GNAL: variants seen among roughly 807,000 people sequenced by gnomAD.
The protein encoded by GNAL is guanine nucleotide-binding protein G(olf) subunit alpha.
GNAL carries 18 observed loss-of-function variants against 55.1 expected under a neutral mutation model. The ratio of observed to expected loss-of-function variants is 0.33; its 90% CI spans 0.23 to 0.48. GNAL has a LOEUF of 0.48. Among genes scored for constraint, GNAL ranks in the 20% least tolerant of loss-of-function variants. The pLI, the probability that GNAL is intolerant of heterozygous loss-of-function variation, is 0.99. For missense variants in GNAL, 412 were observed against 614.1 expected (o/e 0.67, Z 3.48); for synonymous variants, 253 against 237.0 (o/e 1.07, Z -0.62).
chr18:11,820,915 C>T (rs2143625921), intron 4 of GNAL, among the ~76,000 whole-genome samples: 1 of 152,342 alleles, frequency 6.6e-6, no homozygotes, highest in Non-Finnish European at 1.5e-5. Flanking sequence ...TTGCTATCAA[C>T]ACATGCTCCA....
chr18:11,814,799 A>G (rs549652728), intron 4 of GNAL, among the ~76,000 whole-genome samples: 6 of 151,878 alleles, frequency 4.0e-5, no homozygotes, highest in Admixed American at 3.3e-4. Context: ...TTGGGAGGCT[A>G]AGGCAGGAGA....
At chr18:11,767,121 C>G (rs2033430674) in intron 4 of GNAL, among the ~76,000 whole-genome samples, 1 of 152,184 alleles carries the variant, frequency 6.6e-6, no homozygotes, top group South Asian at 2.1e-4. Flanking sequence ...GACTTCCCTC[C>G]CATATGCCAT....
At chr18:11,879,524 T>C (rs2036612254) in intron 11 of GNAL, among the ~76,000 whole-genome samples, 1 of 152,206 alleles carries the variant, frequency 6.6e-6, no homozygotes, top group Admixed American at 6.5e-5. Flanking sequence ...GGCTGCATCC[T>C]CCTGGTTTCC....
At chr18:11,761,697 C>A (rs753910588) in intron 4 of GNAL, among the ~76,000 whole-genome samples, 1 of 152,136 alleles carries the variant, frequency 6.6e-6, no homozygotes, top group Non-Finnish European at 1.5e-5. Flanking sequence ...CTGCAAGTTC[C>A]AATAAGCTGC....
chr18:11,703,795 G>GCGCGCACACACA (rs1311432181), intron 1 of GNAL, among the ~76,000 whole-genome samples: 47 of 141,496 alleles, frequency 3.3e-4, no homozygotes, highest in African/African-American at 1.2e-3. Flanking sequence ...GTGTTGATGG[G>GCGCGCACACACA]CACACACACA....
chr18:11,856,331 T>C (rs1388216370), intron 5 of GNAL, among the ~76,000 whole-genome samples: 1 of 151,360 alleles, frequency 6.6e-6, no homozygotes, highest in African/African-American at 2.5e-5. Context: ...TCTGTCATAG[T>C]GTCAGTCTCT....
intron 10 of GNAL, among the ~76,000 whole-genome samples, chr18:11,876,411 C>T (rs1410857084): frequency 2.0e-5 from 3 of 151,964 alleles, no homozygotes; most frequent in East Asian, 1.9e-4. Flanking sequence ...TGCAGTGAGC[C>T]GAGATCATGC....
intron 1 of GNAL, among the ~76,000 whole-genome samples, chr18:11,726,922 A>G (rs9961044): frequency 0.73 from 111,548 of 151,970 alleles, 41,705 homozygotes; most frequent in African/African-American, 0.83. Flanking sequence ...ACAGGTTGTA[A>G]GGAAAAGTAG....
intron 1 of GNAL, among the ~76,000 whole-genome samples, chr18:11,725,984 C>T (rs765962503): frequency 4.6e-5 from 7 of 152,336 alleles, no homozygotes; most frequent in South Asian, 2.1e-4. Context: ...TGTGACCGTT[C>T]GGTCCCAGCA....
At chr18:11,773,253 A>G (rs1031838961) in intron 4 of GNAL, among the ~76,000 whole-genome samples, 4 of 152,256 alleles carry the variant, frequency 2.6e-5, no homozygotes, top group Non-Finnish European at 5.9e-5. Context: ...TAAGCACATA[A>G]CATGCTCACT....
chr18:11,881,024 C>T lies in GNAL; in HGVS notation c.1266C>T (p.Tyr422=). 3.1e-6 allele frequency: 5 copies of T among 1,614,158 alleles called. No homozygotes were observed. The highest frequency in any genetic ancestry group is 4.2e-6 in the Non-Finnish European group (5 of 1,180,006). Residue 422 remains tyrosine (Y), a synonymous_variant, in exon 12 of 12, where the codon TAC becomes TAT. Transcript: ENST00000334049. The surrounding 1 kb of genome is among the most constrained non-coding windows in gnomAD (Gnocchi z 4.8). ...CGGCCACCGGTGACGGCAAACATTA[C>T]TGCTACCCGCACTTCACCTGCGCCG... ...ISTATGDGKH[Y]CYPHFTCAVD...
intron 9 of GNAL, among the ~76,000 whole-genome samples, chr18:11,871,398 G>A (rs1291972759): frequency 1.3e-5 from 2 of 151,760 alleles, no homozygotes; most frequent in Non-Finnish European, 2.9e-5. Flanking sequence ...CTGCAGGCAC[G>A]TGCCACCACG....
At chr18:11,831,288 C>T (rs1464187262) in intron 5 of GNAL, among the ~76,000 whole-genome samples, 1 of 152,166 alleles carries the variant, frequency 6.6e-6, no homozygotes, top group Non-Finnish European at 1.5e-5. Flanking sequence ...GAGATGCTGC[C>T]TTGTCCTTCA....
intron 5 of GNAL, among the ~76,000 whole-genome samples, chr18:11,849,501 C>CAAAAAAAA (rs71172025): frequency 3.1e-5 from 4 of 130,470 alleles, no homozygotes; most frequent in African/African-American, 9.7e-5. Flanking sequence ...GATTTCATCT[C>CAAAAAAAA]AAAAAAAAAA....
At chr18:11,764,301 T>A (rs193138826) in intron 4 of GNAL, among the ~76,000 whole-genome samples, 3 of 150,522 alleles carry the variant, frequency 2.0e-5, no homozygotes, top group Non-Finnish European at 4.4e-5. Context: ...GAGACGGGGT[T>A]TCACTATGTT....
rs1568010484 is a variant in GNAL, at chr18:11,752,605, C to G, written c.377-248C>G. The G allele has an allele frequency of 1.9e-6, 3 of 1,573,410 alleles. No individual in the cohort carries two copies. Among genetic ancestry groups the G allele is most frequent in the Non-Finnish European group, 2.6e-6 (3 of 1,165,392 alleles). The stretch of plus-strand genomic sequence containing the variant: ...TAAGGCCGAGGGGCGCGCGGCGGCT[C>G]CCGGCCCCAGCGGAGCGCACAGCCA... On this transcript the variant is annotated intron_variant, in intron 1 of 11. Coordinates refer to ENST00000334049, the MANE Select transcript of GNAL (RefSeq NM_182978.4). The surrounding 1 kb of genome is among the most constrained non-coding windows in gnomAD (Gnocchi z 4.5).
chr18:11,752,381 A>G lies in GNAL; in HGVS notation c.377-472A>G, dbSNP rs532632175. Reference sequence around the variant, plus strand: ...GAGCCGCACACGTCTCCAACTCTCTATTGCTTTTTGCGCACATTCCTAACT... The same window carrying G: ...GAGCCGCACACGTCTCCAACTCTCTGTTGCTTTTTGCGCACATTCCTAACT... On this transcript the variant is annotated intron_variant, in intron 1 of 11. Transcript: ENST00000334049. This position sits in a 1 kb window ranked among gnomAD's most constrained non-coding sequence, Gnocchi z 4.5. The G allele has an allele frequency of 4.1e-4, 641 of 1,569,334 alleles. 14 individuals carry two copies. The South Asian group carries it at 6.5e-3, about 16-fold the overall frequency.
At chr18:11,844,142 A>C (rs2035679717) in intron 5 of GNAL, among the ~76,000 whole-genome samples, 1 of 151,838 alleles carries the variant, frequency 6.6e-6, no homozygotes, top group Non-Finnish European at 1.5e-5. Flanking sequence ...TTAAATTGAA[A>C]GGTTCTCAGG....
At chr18:11,851,123 CCTGT>C (rs1259006457) in intron 5 of GNAL, among the ~76,000 whole-genome samples, 3 of 152,212 alleles carry the variant, frequency 2.0e-5, no homozygotes, top group African/African-American at 7.2e-5. Context: ...CTCCACAGAT[CCTGT>C]CTACTTCGGT....
Sources: allele counts gnomAD v4.1 joint callset (sites outside exome capture counted in the v4.1 genomes callset), GRCh38; gene constraint gnomAD v4.1.1; non-coding constraint Gnocchi (gnomAD v3.1); transcripts MANE v1.5; gene names NCBI Gene and HGNC (gene_info 2026-07-23, HGNC 2026-07-21).